The following OGDH variants were observed in gnomAD, a reference collection of about 807,000 sequenced individuals.
OGDH encodes 2-oxoglutarate dehydrogenase complex component E1.
Under a neutral mutation model 116.6 loss-of-function variants are expected in OGDH, and 38 were observed. The ratio of observed to expected loss-of-function variants is 0.33; its 90% CI spans 0.25 to 0.43. OGDH has a LOEUF of 0.43. OGDH is among the 20% of genes least tolerant of loss of function. The pLI is 1.00. For synonymous variants in OGDH, 488 were observed against 533.3 expected (o/e 0.92, Z 1.17); for missense variants, 825 against 1,357.2 (o/e 0.61, Z 6.16).
chr7:44,612,308 G>A (rs1293511267), intron 1 of OGDH, among the ~76,000 whole-genome samples: 1 of 152,140 alleles, frequency 6.6e-6, no homozygotes, highest in Admixed American at 6.6e-5. Context: ...TAGCTCATAA[G>A]AAGTCTCAAA....
chr7:44,624,417 A>G lies in OGDH; in HGVS notation c.74A>G (p.Gln25Arg), dbSNP rs767597744. Residue 25 changes from glutamine (Q) to arginine (R), a missense_variant, in exon 2 of 23, where the codon CAA becomes CGA. Around this residue, in one of 7 missense-constraint regions of OGDH, gnomAD observed 126 missense variants for 130.4 expected, o/e 0.97. Coordinates refer to ENST00000222673, the MANE Select transcript of OGDH (RefSeq NM_002541.4). ...TASQTVKTFS[Q>R]NRPAAARTFQ... ...TCCCAGACTGTTAAGACATTTTCACAAAACAGACCAGCAGCAGCTAGGACA... is the reference window on the plus strand; with the variant it reads ...TCCCAGACTGTTAAGACATTTTCACGAAACAGACCAGCAGCAGCTAGGACA... 6.2e-7 allele frequency: 1 copy of G among 1,612,330 alleles called. No individual in the cohort carries two copies. The highest frequency in any genetic ancestry group is 1.1e-5 in the South Asian group (1 of 90,974).
intron 20 of OGDH, among the ~76,000 whole-genome samples, chr7:44,706,251 G>C (rs1406535733): frequency 6.6e-6 from 1 of 151,554 alleles, no homozygotes; most frequent in East Asian, 1.9e-4. Flanking sequence ...TTCTCTGATT[G>C]TGTTGAAAGT....
At chr7:44,652,955 C>G (rs966677096) in intron 4 of OGDH, among the ~76,000 whole-genome samples, 5 of 152,148 alleles carry the variant, frequency 3.3e-5, no homozygotes, top group African/African-American at 1.2e-4. Context: ...TTGCAAAACA[C>G]TAGAACCAGA....
At chr7:44,621,054 T>C (rs1226628582) in intron 1 of OGDH, among the ~76,000 whole-genome samples, 1 of 152,178 alleles carries the variant, frequency 6.6e-6, no homozygotes, top group Non-Finnish European at 1.5e-5. Flanking sequence ...TTTCCTTCTT[T>C]TTGTATTTAA....
In OGDH at chr7:44,694,133, C is replaced by A; in HGVS notation, c.1515+129C>A. On this transcript the variant is annotated intron_variant, in intron 11 of 22. Transcript: ENST00000222673. This position sits in a 1 kb window ranked among gnomAD's most constrained non-coding sequence, Gnocchi z 4.2. ...CACCTCAGGGCTCTCTACTGCCAGGCCTCATGCTGGTTCCTTTGAGCTCCA... is the reference window on the plus strand; with the variant it reads ...CACCTCAGGGCTCTCTACTGCCAGGACTCATGCTGGTTCCTTTGAGCTCCA... 1 of 1,048,448 alleles carries A rather than the reference C, an allele frequency of 9.5e-7. No homozygotes were observed. The highest frequency in any genetic ancestry group is 1.4e-6 in the Non-Finnish European group (1 of 737,036). The allele number at this position is 1,048,448 out of a possible 1,614,324, so 64.9% of individuals were successfully genotyped here. A position where few individuals can be genotyped will look rare whatever the true frequency, so the allele number is the denominator to read the frequency against.
intron 9 of OGDH, 104 bp from the exon 10 acceptor site, chr7:44,681,616 C>T (rs945025116): frequency 1.9e-5 from 28 of 1,471,984 alleles, no homozygotes; most frequent in African/African-American, 7.0e-5. Context: ...GAAATTATCT[C>T]AAAACGTTAT....
At chr7:44,641,350 C>T (rs868834417) in intron 2 of OGDH, among the ~76,000 whole-genome samples, 1 of 151,082 alleles carries the variant, frequency 6.6e-6, no homozygotes, top group African/African-American at 2.4e-5. Context: ...CCCAGCCTCC[C>T]AAGTAGCTGG....
chr7:44,664,151 A>T (rs1418303132), intron 4 of OGDH, among the ~76,000 whole-genome samples: 3 of 152,306 alleles, frequency 2.0e-5, no homozygotes, highest in Non-Finnish European at 2.9e-5. Flanking sequence ...ATCTTCTGTT[A>T]TAGCAGACCT....
chr7:44,654,828 A>G (rs1458662170), intron 4 of OGDH, among the ~76,000 whole-genome samples: 4 of 152,110 alleles, frequency 2.6e-5, no homozygotes, highest in Non-Finnish European at 4.4e-5. Flanking sequence ...CTTCACTTGG[A>G]AGTACTGTGG....
chr7:44,664,080 G>A (rs904541633), intron 4 of OGDH, among the ~76,000 whole-genome samples: 8 of 152,148 alleles, frequency 5.3e-5, no homozygotes, highest in African/African-American at 1.9e-4. Context: ...GTCTTGTTAT[G>A]AATTATAGTT....
intron 18 of OGDH, 66 bp downstream of exon 18, chr7:44,698,329 G>A (rs2116372001): frequency 1.3e-6 from 2 of 1,510,308 alleles, no homozygotes; most frequent in South Asian, 1.1e-5. Context: ...CTGGGGAAGA[G>A]CAATCTATCT....
At chr7:44,682,394 AAAAG>A (rs1284643515) in intron 10 of OGDH, among the ~76,000 whole-genome samples, 1 of 151,764 alleles carries the variant, frequency 6.6e-6, no homozygotes, top group Admixed American at 6.6e-5. Context: ...TCAAAAAAAA[AAAAG>A]AAAAGAAAAA....
chr7:44,669,269 A>C (rs1168402945), intron 5 of OGDH, among the ~76,000 whole-genome samples: 1 of 149,502 alleles, frequency 6.7e-6, no homozygotes, highest in East Asian at 2.0e-4. Context: ...CCCCTACTTC[A>C]GCCTCCTGAG....
chr7:44,674,034 G>A (rs767247607), intron 6 of OGDH, 93 bp downstream of exon 6: 37 of 1,467,116 alleles, frequency 2.5e-5, no homozygotes, highest in Middle Eastern at 3.8e-4. Flanking sequence ...CCTGTTGGCC[G>A]AGGTGAGAGG....
At chr7:44,680,840 G>A (rs1787901020) in intron 9 of OGDH, among the ~76,000 whole-genome samples, 1 of 152,188 alleles carries the variant, frequency 6.6e-6, no homozygotes, top group Admixed American at 6.5e-5. Context: ...ACCTGTCCCT[G>A]TTCACAGGAA....
chr7:44,631,217 G>A (rs1281628907), intron 2 of OGDH, among the ~76,000 whole-genome samples: 1 of 152,174 alleles, frequency 6.6e-6, no homozygotes, highest in Non-Finnish European at 1.5e-5. Flanking sequence ...GATACGGAGG[G>A]CTGACTGTAT....
chr7:44,705,885 T>C (rs898747902), intron 20 of OGDH, among the ~76,000 whole-genome samples: 2 of 152,352 alleles, frequency 1.3e-5, no homozygotes, highest in Admixed American at 6.5e-5. Flanking sequence ...TACTCCTTTA[T>C]CAAACGTTGA....
At chr7:44,673,325 T>A (rs938423314) in intron 5 of OGDH, among the ~76,000 whole-genome samples, 6 of 152,070 alleles carry the variant, frequency 3.9e-5, no homozygotes, top group African/African-American at 1.2e-4. Context: ...AAAAAATAAA[T>A]AAATAAATAA....
chr7:44,698,870 G>C (rs1788703572), intron 18 of OGDH, among the ~76,000 whole-genome samples: 1 of 151,738 alleles, frequency 6.6e-6, no homozygotes, highest in Admixed American at 6.6e-5. Flanking sequence ...ACTGTGCTGG[G>C]TGTGGTGGCT....
Sources: gnomAD v4.1 joint callset for allele counts (sites outside exome capture counted in the v4.1 genomes callset) on GRCh38, gnomAD v4.1.1 for gene constraint, gnomAD v4.1.1 regional missense constraint, Gnocchi (gnomAD v3.1) non-coding constraint, MANE v1.5 for transcripts, NCBI Gene and HGNC (gene_info 2026-07-23, HGNC 2026-07-21) for gene names.